The following TUBA1C variants were observed in gnomAD, a reference collection of about 807,000 sequenced individuals.
The protein encoded by TUBA1C is tubulin alpha-1C chain.
A neutral mutation model predicts 34.9 loss-of-function variants in TUBA1C; 16 were observed. That is an observed-to-expected ratio of 0.46 (90% CI 0.31 to 0.70). The LOEUF (loss-of-function observed/expected upper bound fraction) is 0.70, where lower values mean the gene tolerates loss of function less well. Ranked by LOEUF, TUBA1C falls within the 30% of genes least tolerant of loss-of-function variation. The probability of loss-of-function intolerance (pLI) is 0.05; values close to 1 mark genes in which losing one functional copy is unlikely to be tolerated. For synonymous variants in TUBA1C, 177 were observed against 215.9 expected (o/e 0.82, Z 1.58); for missense variants, 329 against 587.3 (o/e 0.56, Z 4.55).
intron 1 of TUBA1C, among the ~76,000 whole-genome samples, chr12:49,245,643 G>A (rs963550705): frequency 6.6e-6 from 1 of 152,186 alleles, no homozygotes; most frequent in East Asian, 1.9e-4. Flanking sequence ...ATAACAGTGG[G>A]AATCTGTGGC....
intron 1 of TUBA1C, among the ~76,000 whole-genome samples, chr12:49,265,778 G>A (rs1038684496): frequency 2.6e-5 from 4 of 152,164 alleles, no homozygotes; most frequent in African/African-American, 7.2e-5. Context: ...CATTTCTGGT[G>A]TTAATCTAGT....
At chr12:49,266,261 TAAAAAAA>T (rs35928737) in intron 1 of TUBA1C, among the ~76,000 whole-genome samples, 1 of 79,496 alleles carries the variant, frequency 1.3e-5, no homozygotes, top group African/African-American at 4.5e-5. Context: ...CCGTCTCTAC[TAAAAAAA>T]AAAAAAAAAA....
At position 49,231,338 on chromosome 12, in the gene TUBA1C, T is replaced by C. The variant is rs573487752; in HGVS notation, c.213+3172T>C. Among the ~76,000 whole-genome samples the C allele has an allele frequency of 2.8e-4, 42 of 152,218 alleles. No homozygotes were observed. In the East Asian group the frequency reaches 7.7e-3, roughly 28 times the overall value. ...CATGCACCACCACTCCCAGCTCTAA[T>C]TTTTAAAAAATTTTTGTAGATATAG... On this transcript the variant is annotated intron_variant, in intron 1 of 3. Transcript: ENST00000541364.
At chr12:49,262,596 A>G (rs996904431), upstream of TUBA1C, among the ~76,000 whole-genome samples, 1 of 151,838 alleles carries the variant, frequency 6.6e-6, no homozygotes, top group Non-Finnish European at 1.5e-5. Context: ...TCTGACCAAC[A>G]TGGTGAAACC....
At chr12:49,264,085 T>C (rs974162977), upstream of TUBA1C, among the ~76,000 whole-genome samples, 2 of 151,988 alleles carry the variant, frequency 1.3e-5, no homozygotes, top group Non-Finnish European at 2.9e-5. Context: ...CCAGGTGTGG[T>C]GGCACGCGCC....
At chr12:49,240,303 A>T (rs1942601469) in intron 1 of TUBA1C, among the ~76,000 whole-genome samples, 1 of 151,722 alleles carries the variant, frequency 6.6e-6, no homozygotes, top group South Asian at 2.1e-4. Context: ...TCTGAAAAAA[A>T]AAAAAAAAAA....
rs185651040 is a variant in TUBA1C at position 49,250,393 on chromosome 12, G to A, written c.214-19072G>A. Among the ~76,000 whole-genome samples the A allele has an allele frequency of 4.6e-3, 690 of 151,248 alleles. 3 individuals carry two copies. The highest frequency in any genetic ancestry group is 0.016 in the African/African-American group (662 of 41,244). ...CAAAAAATTAGTCGGGCATGGTGGC[G>A]GGCACCTGTAGTCCCAGCTACTTGG... On this transcript the variant is annotated intron_variant, in intron 1 of 3. Transcript: ENST00000541364.
At chr12:49,248,768 T>A (rs1395860445) in intron 1 of TUBA1C, among the ~76,000 whole-genome samples, 1 of 146,328 alleles carries the variant, frequency 6.8e-6, no homozygotes, top group Non-Finnish European at 1.5e-5. Flanking sequence ...CTCGGGAGGC[T>A]GAGGCAGGAG....
chr12:49,271,985 T>C (rs1340479121), intron 3 of TUBA1C, among the ~76,000 whole-genome samples: 1 of 151,884 alleles, frequency 6.6e-6, no homozygotes, highest in Non-Finnish European at 1.5e-5. Flanking sequence ...TTTTTTTTTT[T>C]GGAGACAGGG....
At chr12:49,264,990 C>T (rs1206600908), upstream of TUBA1C, 1 of 776,778 alleles carries the variant, frequency 1.3e-6, no homozygotes, top group Non-Finnish European at 1.8e-6. Flanking sequence ...AAGGTGGGGC[C>T]GCAGCGGCAC....
intron 1 of TUBA1C, among the ~76,000 whole-genome samples, chr12:49,239,604 G>A (rs1461457022): frequency 6.6e-6 from 1 of 150,702 alleles, no homozygotes; most frequent in Non-Finnish European, 1.5e-5. Flanking sequence ...TTTCACCACT[G>A]CACTCCATCC....
intron 1 of TUBA1C, among the ~76,000 whole-genome samples, chr12:49,257,359 G>A (rs1259634316): frequency 1.3e-5 from 2 of 152,052 alleles, no homozygotes; most frequent in African/African-American, 4.8e-5. Context: ...GGATTATCGT[G>A]AAGAATAAAT....
At chr12:49,255,946 G>T (rs1942779754) in intron 1 of TUBA1C, among the ~76,000 whole-genome samples, 1 of 152,174 alleles carries the variant, frequency 6.6e-6, no homozygotes, top group South Asian at 2.1e-4. Flanking sequence ...CAGCATTTGG[G>T]GAGGCTGAGG....
At chr12:49,232,973 T>C (rs1942512587) in intron 1 of TUBA1C, 1 of 152,228 alleles carries the variant, frequency 6.6e-6, no homozygotes, top group Admixed American at 6.5e-5. Flanking sequence ...TGATTGGTGA[T>C]TAATTGATTT....
At chr12:49,260,087 C>G (rs538805812), upstream of TUBA1C, among the ~76,000 whole-genome samples, 1 of 152,146 alleles carries the variant, frequency 6.6e-6, no homozygotes, top group African/African-American at 2.4e-5. Flanking sequence ...TTTCCAGGCT[C>G]TATGATATAG....
rs1293592512 is a variant in TUBA1C, at chr12:49,273,761, A to G, written c.*534A>G. The G allele has an allele frequency of 1.7e-5, 3 of 177,594 alleles. No homozygotes were observed. Among genetic ancestry groups the G allele is most frequent in the Non-Finnish European group, 2.4e-5 (2 of 82,696 alleles). The allele number at this position is 177,594 out of a possible 1,614,324, so 11.0% of individuals were successfully genotyped here. A position where few individuals can be genotyped will look rare whatever the true frequency, so the allele number is the denominator to read the frequency against. ...TAAGTGAGGAAACGGGTTCAGATTG[A>G]GCCAGTGCTTCTCTAACTAAAATGG... On this transcript the variant is annotated 3_prime_UTR_variant, in exon 4 of 4. Transcript: ENST00000301072.
At chr12:49,260,034 A>G (rs1006540861) in intron 1 of TUBA1C, among the ~76,000 whole-genome samples, 6 of 152,198 alleles carry the variant, frequency 3.9e-5, no homozygotes. Context: ...TTTTCAGTAC[A>G]TGAATAAATT....
chr12:49,245,300 A>G (rs1219757075), intron 1 of TUBA1C, among the ~76,000 whole-genome samples: 3 of 152,204 alleles, frequency 2.0e-5, no homozygotes, highest in Non-Finnish European at 4.4e-5. Context: ...GACCAAAGGC[A>G]TGTAATAATC....
Position 49,255,960 on chromosome 12 carries a change from G to C in TUBA1C, c.214-13505G>C, listed in dbSNP as rs555787155. ...CCAGCATTTGGGGAGGCTGAGGCCA[G>C]TGGGTGTGGTGGCACGTGCCTGTAG... On this transcript the variant is annotated intron_variant, in intron 1 of 3. Transcript: ENST00000541364. Among the ~76,000 whole-genome samples the C allele has an allele frequency of 9.2e-5, 14 of 152,340 alleles. No homozygotes were observed. The South Asian group carries it at 2.7e-3, about 29-fold the overall frequency.
Sources: gnomAD v4.1 joint callset for allele counts (sites outside exome capture counted in the v4.1 genomes callset) on GRCh38, gnomAD v4.1.1 for gene constraint, MANE v1.5 for transcripts, NCBI Gene and HGNC (gene_info 2026-07-23, HGNC 2026-07-21) for gene names.